The following HTR4 variants were observed in gnomAD, a reference collection of about 807,000 sequenced individuals.
The protein encoded by HTR4 is 5-hydroxytryptamine receptor 4.
A neutral mutation model predicts 36.8 loss-of-function variants in HTR4; 16 were observed. That is an observed-to-expected ratio of 0.43 (90% CI 0.29 to 0.66). HTR4 has a LOEUF of 0.66. HTR4 is among the 30% of genes least tolerant of loss of function. HTR4 has a pLI of 0.13. For synonymous variants in HTR4, 189 were observed against 185.1 expected, an observed-to-expected ratio of 1.02 and a Z score of -0.17; for missense variants, 438 against 490.9, an observed-to-expected ratio of 0.89 and a Z score of 1.02.
intron 5 of HTR4, among the ~76,000 whole-genome samples, chr5:148,463,693 A>G (rs1755346638): frequency 6.6e-6 from 1 of 151,288 alleles, no homozygotes; most frequent in South Asian, 2.1e-4. Flanking sequence ...AATCTCAGTG[A>G]GGTTTTTTTT....
At chr5:148,532,931 G>A (rs1051408626) in intron 4 of HTR4, among the ~76,000 whole-genome samples, 1 of 152,116 alleles carries the variant, frequency 6.6e-6, no homozygotes, top group South Asian at 2.1e-4. Context: ...TGTTGCTAGT[G>A]GATTGGAGAA....
chr5:148,486,856 A>G (rs1220672116), intron 6 of HTR4, among the ~76,000 whole-genome samples: 1 of 152,182 alleles, frequency 6.6e-6, no homozygotes, highest in Non-Finnish European at 1.5e-5. Flanking sequence ...TGTTAAACGT[A>G]TTTGGGTAGG....
chr5:148,556,574 A>C (rs1759961674), intron 2 of HTR4, among the ~76,000 whole-genome samples: 1 of 152,218 alleles, frequency 6.6e-6, no homozygotes, highest in Non-Finnish European at 1.5e-5. Context: ...GTATGGATGG[A>C]AACAGACATA....
At chr5:148,596,523 G>A (rs552445417) in intron 2 of HTR4, among the ~76,000 whole-genome samples, 2 of 152,076 alleles carry the variant, frequency 1.3e-5, no homozygotes, top group Non-Finnish European at 2.9e-5. Flanking sequence ...GCATTTTGGG[G>A]GCTGGGGCTG....
chr5:148,601,675 TC>T (rs1323415799), intron 2 of HTR4, among the ~76,000 whole-genome samples: 2 of 151,898 alleles, frequency 1.3e-5, no homozygotes, highest in African/African-American at 4.8e-5. Flanking sequence ...GTGGCATGCA[TC>T]TGTAGTCCCA....
intron 1 of HTR4, among the ~76,000 whole-genome samples, chr5:148,652,923 C>A (rs1275141701): frequency 1.3e-5 from 2 of 152,150 alleles, no homozygotes; most frequent in African/African-American, 4.8e-5. Context: ...TAGGTGAGAG[C>A]TGCTCTTCAG....
intron 6 of HTR4, among the ~76,000 whole-genome samples, chr5:148,503,099 CT>C (rs1757014698): frequency 6.6e-6 from 1 of 152,170 alleles, no homozygotes; most frequent in African/African-American, 2.4e-5. Flanking sequence ...CTTCCCCAAC[CT>C]AGCAAGGCAG....
intron 5 of HTR4, among the ~76,000 whole-genome samples, chr5:148,470,046 AATGGTG>A (rs570706382): frequency 2.1e-4 from 32 of 152,310 alleles, no homozygotes; most frequent in African/African-American, 6.3e-4. Context: ...TAATGATGAT[AATGGTG>A]ATGGTGATGG....
At chr5:148,615,887 G>A (rs919753866) in intron 2 of HTR4, among the ~76,000 whole-genome samples, 2 of 152,104 alleles carry the variant, frequency 1.3e-5, no homozygotes, top group Non-Finnish European at 2.9e-5. Flanking sequence ...ATGTTGTCCT[G>A]TCTAAATTGA....
intron 5 of HTR4, among the ~76,000 whole-genome samples, chr5:148,457,676 T>A (rs1755133591): frequency 6.9e-6 from 1 of 145,258 alleles, no homozygotes; most frequent in Non-Finnish European, 1.5e-5. Context: ...TTTTAATATA[T>A]CATTAAAATA....
At chr5:148,486,732 A>G (rs1488982003) in intron 6 of HTR4, among the ~76,000 whole-genome samples, 1 of 152,174 alleles carries the variant, frequency 6.6e-6, no homozygotes, top group Non-Finnish European at 1.5e-5. Flanking sequence ...GATACTTTAT[A>G]TTCCATGTGG....
intron 4 of HTR4, among the ~76,000 whole-genome samples, chr5:148,528,453 A>C (rs1252266377): frequency 2.6e-5 from 4 of 152,162 alleles, no homozygotes; most frequent in Non-Finnish European, 5.9e-5. Flanking sequence ...ATATCCTTCC[A>C]ATGTCTTTCT....
chr5:148,643,301 AAAGGCATACCC>A (rs1460038628), intron 1 of HTR4, among the ~76,000 whole-genome samples: 2 of 152,242 alleles, frequency 1.3e-5, no homozygotes, highest in African/African-American at 4.8e-5. Context: ...AGGATATTTA[AAAGGCATACCC>A]AAGCAACCTT....
intron 2 of HTR4, among the ~76,000 whole-genome samples, chr5:148,567,957 T>C (rs1003223104): frequency 6.6e-6 from 1 of 152,144 alleles, no homozygotes; most frequent in Non-Finnish European, 1.5e-5. Context: ...TGGCCCATAA[T>C]AGGTACTTAA....
At chr5:148,532,057 G>C (rs924619128) in intron 4 of HTR4, among the ~76,000 whole-genome samples, 3 of 152,128 alleles carry the variant, frequency 2.0e-5, no homozygotes, top group African/African-American at 7.2e-5. Context: ...TGGTTTAGAT[G>C]AGAGGATTTT....
intron 2 of HTR4, among the ~76,000 whole-genome samples, chr5:148,574,654 C>T (rs113181498): frequency 1.0e-3 from 159 of 152,194 alleles, no homozygotes; most frequent in African/African-American, 3.6e-3. Flanking sequence ...GTGACAAAAA[C>T]TGACTTCTTA....
chr5:148,561,188 T>G (rs1332713889), intron 2 of HTR4, among the ~76,000 whole-genome samples: 1 of 152,162 alleles, frequency 6.6e-6, no homozygotes, highest in Non-Finnish European at 1.5e-5. Flanking sequence ...CTTAATAGAC[T>G]TTTCAAGAAC....
rs190656677 is a variant in HTR4 at position 148,550,054 on chromosome 5, C to A, written c.152+83G>T. 2.0e-4 allele frequency: 278 copies of A among 1,377,118 alleles called. No individual in the cohort carries two copies. The African/African-American group carries it at 3.7e-3, about 18-fold the overall frequency. 85.3% of individuals were successfully genotyped at this position (1,377,118 alleles called of 1,614,324 possible). On this transcript the variant is annotated intron_variant, in intron 3 of 6. Transcript: ENST00000377888. ...ATGTTTTCTTTCTTAATTACAAATT[C>A]TAATAGAAATGTTCACACCCAACTC... is the stretch of plus-strand genomic sequence containing the variant.
intron 5 of HTR4, among the ~76,000 whole-genome samples, chr5:148,522,068 C>T (rs1448690507): frequency 1.3e-5 from 2 of 152,070 alleles, no homozygotes; most frequent in Admixed American, 1.3e-4. Context: ...GTGAATATGT[C>T]TCATGAGATC....
Sources: gnomAD v4.1 joint callset for allele counts (sites outside exome capture counted in the v4.1 genomes callset) on GRCh38, gnomAD v4.1.1 for gene constraint, MANE v1.5 for transcripts, NCBI Gene and HGNC (gene_info 2026-07-23, HGNC 2026-07-21) for gene names.